CADM2: variants seen among roughly 807,000 people sequenced by gnomAD.
CADM2 encodes cell adhesion molecule 2.
CADM2 carries 12 observed loss-of-function variants against 49.8 expected under a neutral mutation model. That is an observed-to-expected ratio of 0.24 (90% confidence interval 0.15 to 0.39). CADM2 has a LOEUF of 0.39. Ranked by LOEUF, CADM2 falls within the 10% of genes least tolerant of loss-of-function variation. The probability of loss-of-function intolerance (pLI) is 1.00; values close to 1 mark genes in which losing one functional copy is unlikely to be tolerated. For missense variants in CADM2, 378 were observed against 492.3 expected (o/e 0.77, Z 2.20); for synonymous variants, 214 against 175.4 (o/e 1.22, Z -1.74).
At chr3:84,972,341 T>G (rs931827432) in intron 1 of CADM2, among the ~76,000 whole-genome samples, 4 of 152,242 alleles carry the variant, frequency 2.6e-5, no homozygotes, top group Non-Finnish European at 5.9e-5. Context: ...AAAATAGCAT[T>G]TCCTAAAATT....
intron 1 of CADM2, among the ~76,000 whole-genome samples, chr3:85,644,139 C>A (rs777298047): frequency 6.6e-6 from 1 of 152,096 alleles, no homozygotes; most frequent in East Asian, 1.9e-4. Flanking sequence ...ATTTCAAGAT[C>A]AAAGTTTTAG....
At position 85,644,337 on chromosome 3, in the gene CADM2, A is replaced by T. The variant is rs115866261; in HGVS notation, c.62-82185A>T. Among the ~76,000 whole-genome samples, 291 of 152,144 alleles carry T rather than the reference A, an allele frequency of 1.9e-3. 3 individuals carry two copies. The highest frequency in any genetic ancestry group is 0.01 in the Middle Eastern group (3 of 294). ...ACTGGATTAGGCCCTATGCCTTATGACCTCATTATATTCTTAATACCTCCT... is the reference window on the plus strand; with the variant it reads ...ACTGGATTAGGCCCTATGCCTTATGTCCTCATTATATTCTTAATACCTCCT... On this transcript the variant is annotated intron_variant, in intron 1 of 9. Transcript: ENST00000383699.
intron 3 of CADM2, among the ~76,000 whole-genome samples, chr3:85,838,418 A>T (rs2074495234): frequency 6.6e-6 from 1 of 151,816 alleles, no homozygotes; most frequent in South Asian, 2.1e-4. Flanking sequence ...TCTTCTAAAC[A>T]CAGAGCCTTG....
intron 3 of CADM2, chr3:85,827,898 G>T (rs12631564): frequency 6.6e-6 from 1 of 151,596 alleles, no homozygotes; most frequent in Non-Finnish European, 1.5e-5. Flanking sequence ...CCCATTGCCC[G>T]GGCTCTGTTT....
At chr3:85,285,377 G>T (rs1466802278) in intron 1 of CADM2, among the ~76,000 whole-genome samples, 1 of 152,036 alleles carries the variant, frequency 6.6e-6, no homozygotes, top group Non-Finnish European at 1.5e-5. Flanking sequence ...CAATACCTAG[G>T]CATATACAGA....
At chr3:85,259,483 T>G (rs1413523085) in intron 1 of CADM2, among the ~76,000 whole-genome samples, 1 of 152,148 alleles carries the variant, frequency 6.6e-6, no homozygotes, top group East Asian at 1.9e-4. Flanking sequence ...ATACTGTAAT[T>G]TATTTTCTGT....
intron 1 of CADM2, among the ~76,000 whole-genome samples, chr3:84,991,874 A>G (rs748947155): frequency 3.3e-5 from 5 of 152,188 alleles, no homozygotes; most frequent in Admixed American, 2.0e-4. Context: ...AATGCATTCT[A>G]TTAAGTAAAA....
At chr3:85,598,166 A>G (rs2063297890) in intron 1 of CADM2, among the ~76,000 whole-genome samples, 1 of 152,004 alleles carries the variant, frequency 6.6e-6, no homozygotes, top group Non-Finnish European at 1.5e-5. Context: ...ACTAAAAAAT[A>G]AAATAAAAAT....
In CADM2 at chr3:84,970,237, T is replaced by C. The variant is rs116393322; in HGVS notation, c.61+10569T>C. On this transcript the variant is annotated intron_variant, in intron 1 of 9. Transcript: ENST00000383699. ...TTTAATGTTTAGTTATTTATACTTA[T>C]GCAGTTGATGACACATATATGCTGT... is the stretch of plus-strand genomic sequence containing the variant. Among the ~76,000 whole-genome samples the C allele has an allele frequency of 3.3e-3, 497 of 151,278 alleles. 5 individuals carry two copies. Among genetic ancestry groups the C allele is most frequent in the African/African-American group, 0.011 (468 of 41,204 alleles).
At chr3:85,293,762 T>G (rs1374022137) in intron 1 of CADM2, among the ~76,000 whole-genome samples, 1 of 148,948 alleles carries the variant, frequency 6.7e-6, no homozygotes, top group African/African-American at 2.5e-5. Flanking sequence ...AAACTCTCAA[T>G]AAATTAGGTA....
chr3:85,751,842 A>G (rs2068873411), intron 2 of CADM2, among the ~76,000 whole-genome samples: 2 of 152,126 alleles, frequency 1.3e-5, no homozygotes, highest in Admixed American at 1.3e-4. Flanking sequence ...ATCTCAAATG[A>G]CCTTTATAAA....
chr3:85,762,839 GA>G (rs1559639709), intron 2 of CADM2, among the ~76,000 whole-genome samples: 1 of 151,334 alleles, frequency 6.6e-6, no homozygotes, highest in Non-Finnish European at 1.5e-5. Flanking sequence ...CAGTTATCAT[GA>G]CACCTTATGA....
At chr3:85,547,280 T>A (rs1260750234) in intron 1 of CADM2, among the ~76,000 whole-genome samples, 2 of 152,172 alleles carry the variant, frequency 1.3e-5, no homozygotes, top group East Asian at 3.9e-4. Flanking sequence ...AATTTGGGCA[T>A]GGCGATTTCA....
chr3:85,250,145 A>T (rs947595485), intron 1 of CADM2, among the ~76,000 whole-genome samples: 2 of 151,854 alleles, frequency 1.3e-5, no homozygotes, highest in East Asian at 1.9e-4. Flanking sequence ...ATTAACATTT[A>T]GGAATGTTCT....
intron 1 of CADM2, among the ~76,000 whole-genome samples, chr3:85,589,446 G>A (rs1259792470): frequency 6.6e-6 from 1 of 151,934 alleles, no homozygotes; most frequent in Non-Finnish European, 1.5e-5. Flanking sequence ...ACCCTAACCA[G>A]CCCATGATCA....
chr3:85,059,980 AG>A (rs1328690050), intron 1 of CADM2, among the ~76,000 whole-genome samples: 1 of 152,112 alleles, frequency 6.6e-6, no homozygotes, highest in African/African-American at 2.4e-5. Flanking sequence ...CAAGGATAAA[AG>A]TCAGTTCTTT....
chr3:85,510,628 C>G (rs962666900), intron 1 of CADM2, among the ~76,000 whole-genome samples: 6 of 151,804 alleles, frequency 4.0e-5, no homozygotes, highest in African/African-American at 1.2e-4. Flanking sequence ...TAAAATAAAC[C>G]AATATACCTA....
chr3:85,541,789 A>ATATATATATATATG (rs1559897779), intron 1 of CADM2, among the ~76,000 whole-genome samples: 4 of 141,488 alleles, frequency 2.8e-5, no homozygotes, highest in African/African-American at 1.1e-4. Context: ...ATATATATAT[A>ATATATATATATATG]TATATGTATA....
chr3:85,345,082 G>A (rs761293637), intron 1 of CADM2, among the ~76,000 whole-genome samples: 3 of 151,926 alleles, frequency 2.0e-5, no homozygotes, highest in Admixed American at 1.3e-4. Context: ...TTGGGAGGCC[G>A]AGGTGAGTGG....
Sources: gnomAD v4.1 joint callset for allele counts (sites outside exome capture counted in the v4.1 genomes callset) on GRCh38, gnomAD v4.1.1 for gene constraint, MANE v1.5 for transcripts, NCBI Gene and HGNC (gene_info 2026-07-23, HGNC 2026-07-21) for gene names.